Variants in SAP130 observed in about 807,000 individuals in gnomAD.
SAP130 encodes the protein Sin3A associated protein 130, also known as histone deacetylase complex subunit SAP130.
A neutral mutation model predicts 103.2 loss-of-function variants in SAP130; 16 were observed. The ratio of observed to expected loss-of-function variants is 0.16; its 90% CI spans 0.10 to 0.24. SAP130 has a LOEUF of 0.24. Among genes scored for constraint, SAP130 ranks in the 10% least tolerant of loss-of-function variants. The pLI, the probability that SAP130 is intolerant of heterozygous loss-of-function variation, is 1.00. For synonymous variants in SAP130, 477 were observed against 497.0 expected (o/e 0.96, Z 0.53); for missense variants, 990 against 1,359.7 (o/e 0.73, Z 4.28).
At chr2:127,968,903 A>G (rs2461443) in intron 15 of SAP130, among the ~76,000 whole-genome samples, 62,403 of 152,062 alleles carry the variant, frequency 0.41, 14,968 homozygotes, top group East Asian at 0.61. Context: ...TCCCAGCCCA[A>G]CATCAGTTTT....
At position 127,972,480 on chromosome 2, in the gene SAP130, G is replaced by A. The variant is rs1302102232; in HGVS notation, c.2063+5505C>T. 2.0e-5 allele frequency among the ~76,000 whole-genome samples: 3 copies of A among 152,142 alleles called. 1 individual carries two copies. The highest frequency in any genetic ancestry group is 6.3e-3 in the Middle Eastern group (2 of 316). On this transcript the variant is annotated intron_variant, in intron 15 of 20. Transcript: ENST00000643581. ...AATATGAAAATCAGCTTAGCAGGCT[G>A]GGCGTGGTGGCTCACCCCTGTAATC...
chr2:127,988,620 T>C (rs929227829), intron 13 of SAP130, among the ~76,000 whole-genome samples: 1 of 151,396 alleles, frequency 6.6e-6, no homozygotes, highest in Admixed American at 6.6e-5. Flanking sequence ...GAGGCCAAAG[T>C]GAGTAGACTA....
intron 15 of SAP130, among the ~76,000 whole-genome samples, chr2:127,960,332 G>A (rs1680149918): frequency 6.6e-6 from 1 of 152,120 alleles, no homozygotes; most frequent in African/African-American, 2.4e-5. Context: ...CAACAGCTGG[G>A]CACCGAGTCC....
At position 127,953,971 on chromosome 2, in the gene SAP130, G is replaced by A. The variant is rs753607260; in HGVS notation, c.2422+1015C>T. 2.9e-4 allele frequency among the ~76,000 whole-genome samples: 44 copies of A among 152,144 alleles called. No individual in the cohort carries two copies. Among genetic ancestry groups the A allele is most frequent in the Non-Finnish European group, 1.0e-4 (7 of 68,038 alleles). ...GACCTAAGAGGATAAAGCTGCATTT[G>A]TCTTACACAAAGTTGCATCGTCAGT... On this transcript the variant is annotated intron_variant, in intron 16 of 20. Transcript: ENST00000643581. This position sits in a 1 kb window ranked among gnomAD's most constrained non-coding sequence, Gnocchi z 4.0.
intron 18 of SAP130, among the ~76,000 whole-genome samples, chr2:127,949,362 T>A (rs1455406893): frequency 1.3e-5 from 2 of 152,344 alleles, no homozygotes; most frequent in East Asian, 3.9e-4. Context: ...AAAATGTTAT[T>A]CTCAGGTTCC....
rs969870796 is a variant in SAP130, at chr2:128,012,509, T to C, written c.744+521A>G. ...TAAACAAAAAAACGCAGTGGCTCTC[T>C]ACTGTATATAAAGTCTAGTTTATAC... On this transcript the variant is annotated intron_variant, in intron 6 of 20. Transcript: ENST00000643581. Among the ~76,000 whole-genome samples, 3 of 152,098 alleles carry C rather than the reference T, an allele frequency of 2.0e-5. No homozygotes were observed. In the South Asian group the frequency reaches 6.2e-4, roughly 32 times the overall value.
intron 14 of SAP130, among the ~76,000 whole-genome samples, chr2:127,985,160 A>G (rs1210226677): frequency 1.3e-5 from 2 of 152,220 alleles, no homozygotes; most frequent in African/African-American, 4.8e-5. Context: ...TTTTTGAAAA[A>G]AAGTTATATA....
chr2:127,997,574 G>A (rs949493003), intron 10 of SAP130, among the ~76,000 whole-genome samples: 2 of 152,190 alleles, frequency 1.3e-5, no homozygotes, highest in African/African-American at 4.8e-5. Flanking sequence ...ACTGAAGATC[G>A]CATCTATTGG....
chr2:127,981,308 C>A (rs1456436482), intron 14 of SAP130, among the ~76,000 whole-genome samples: 1 of 149,088 alleles, frequency 6.7e-6, no homozygotes, highest in Non-Finnish European at 1.5e-5. Context: ...CCCAGTCCTC[C>A]TGCACCCCCA....
intron 18 of SAP130, among the ~76,000 whole-genome samples, chr2:127,946,585 A>T (rs1245192356): frequency 6.6e-6 from 1 of 151,942 alleles, no homozygotes; most frequent in African/African-American, 2.4e-5. Flanking sequence ...CTATAACTAT[A>T]TTAGAATGTA....
intron 14 of SAP130, among the ~76,000 whole-genome samples, chr2:127,981,856 C>T (rs1414606614): frequency 2.0e-5 from 3 of 151,788 alleles, no homozygotes; most frequent in Middle Eastern, 3.4e-3. Flanking sequence ...CTCAGCTCCC[C>T]GACCCCGACC....
chr2:127,998,476 T>A (rs1335767151), intron 10 of SAP130, among the ~76,000 whole-genome samples: 2 of 152,194 alleles, frequency 1.3e-5, no homozygotes, highest in East Asian at 3.9e-4. Context: ...AATATGTATG[T>A]TTTACTTCCC....
chr2:127,959,508 G>A (rs1393117384), intron 15 of SAP130, among the ~76,000 whole-genome samples: 2 of 152,162 alleles, frequency 1.3e-5, no homozygotes, highest in Non-Finnish European at 2.9e-5. Context: ...GAGGCCAACC[G>A]GGAACCTGGC....
chr2:128,000,583 A>G, intron 7 of SAP130, 129 bp from the exon 8 acceptor site: 1 of 1,014,108 alleles, frequency 9.9e-7, no homozygotes, highest in Non-Finnish European at 1.4e-6. Flanking sequence ...TTGGTCTTTA[A>G]TCACACCAAT....
rs527740584 is a variant in SAP130, at chr2:127,989,105, T to A, written c.1780+459A>T. ...GGGCTGTTGATGTATACTGTATCTT[T>A]TTTTTTTTTTGGAGACAGAGTCTCA... On this transcript the variant is annotated intron_variant, in intron 13 of 20. Coordinates refer to ENST00000643581, the MANE Select transcript of SAP130 (RefSeq NM_001330301.2). This position sits in a 1 kb window ranked among gnomAD's most constrained non-coding sequence, Gnocchi z 4.6. Among the ~76,000 whole-genome samples the A allele has an allele frequency of 5.3e-5, 8 of 151,410 alleles. No homozygotes were observed. The highest frequency in any genetic ancestry group is 3.0e-5 in the Non-Finnish European group (2 of 67,714).
chr2:128,027,285 G>T, intron 1 of SAP130: 4 of 1,162,190 alleles, frequency 3.4e-6, no homozygotes, highest in Non-Finnish European at 4.2e-6. Context: ...CGCTGTGCTC[G>T]CAGTCCTCTT....
intron 7 of SAP130, among the ~76,000 whole-genome samples, chr2:128,009,775 C>A (rs1340685810): frequency 6.6e-6 from 1 of 152,212 alleles, no homozygotes; most frequent in Non-Finnish European, 1.5e-5. Context: ...GCCACCTTGG[C>A]CTCACTGGTG....
At chr2:128,004,542 T>C (rs1328648798) in intron 7 of SAP130, among the ~76,000 whole-genome samples, 3 of 151,810 alleles carry the variant, frequency 2.0e-5, no homozygotes, top group African/African-American at 7.3e-5. Context: ...ATTCTGGGGA[T>C]AAAATCCAGT....
intron 15 of SAP130, among the ~76,000 whole-genome samples, chr2:127,959,836 CAA>C (rs1305845734): frequency 6.6e-6 from 1 of 151,970 alleles, no homozygotes; most frequent in Non-Finnish European, 1.5e-5. Flanking sequence ...AAAAAAACCC[CAA>C]AGTTATAAAA....
Sources: allele counts gnomAD v4.1 joint callset (sites outside exome capture counted in the v4.1 genomes callset), GRCh38; gene constraint gnomAD v4.1.1; non-coding constraint Gnocchi (gnomAD v3.1); transcripts MANE v1.5; gene names NCBI Gene and HGNC (gene_info 2026-07-23, HGNC 2026-07-21).